Variants in FOXP1 observed in about 807,000 individuals in gnomAD.
FOXP1 encodes forkhead box protein P1.
In FOXP1, 15 loss-of-function variants were observed where a neutral mutation model predicts 98.2. The ratio of observed to expected loss-of-function variants is 0.15; its 90% confidence interval spans 0.10 to 0.24. The LOEUF (loss-of-function observed/expected upper bound fraction) is 0.24, where lower values mean the gene tolerates loss of function less well. Among genes scored for constraint, FOXP1 ranks in the 10% least tolerant of loss-of-function variants. The pLI is 1.00. For synonymous variants in FOXP1, 371 were observed against 314.5 expected (o/e 1.18, Z -1.90); for missense variants, 633 against 848.5 (o/e 0.75, Z 3.15).
intron 7 of FOXP1, among the ~76,000 whole-genome samples, chr3:71,085,660 T>G (rs2107557476): frequency 6.6e-6 from 1 of 151,818 alleles, no homozygotes; most frequent in African/African-American, 2.4e-5. Flanking sequence ...GTATGTCACA[T>G]GCTGTGTGTC....
In FOXP1 at chr3:71,550,709, T is replaced by G. The variant is rs149162523; in HGVS notation, c.-298+30840A>C. Among the ~76,000 whole-genome samples, 976 of 152,350 alleles carry G rather than the reference T, an allele frequency of 6.4e-3. 19 individuals are homozygous for G. The highest frequency in any genetic ancestry group is 8.8e-3 in the Non-Finnish European group (597 of 68,032). On this transcript the variant is annotated intron_variant, in intron 2 of 20. Coordinates refer to ENST00000649528, the MANE Select transcript of FOXP1 (RefSeq NM_001349338.3). ...TCCATTTTTATTAATTCAACTTGGT[T>G]TGTGGTTCAAACCCTTAAGATCAGT...
chr3:71,175,467 C>T (rs2061890641), intron 6 of FOXP1, among the ~76,000 whole-genome samples: 1 of 152,198 alleles, frequency 6.6e-6, no homozygotes, highest in Admixed American at 6.5e-5. Context: ...AATAAGATTG[C>T]TTTTCAGCCT....
intron 17 of FOXP1, among the ~76,000 whole-genome samples, chr3:70,975,095 CTAAGGCTGTTTA>C (rs1415222833): frequency 3.3e-5 from 5 of 152,190 alleles, no homozygotes; most frequent in Admixed American, 6.5e-5. Flanking sequence ...ACTATTTCAT[CTAAGGCTGTTTA>C]TATTAATGAC....
chr3:71,148,197 C>T (rs1010795335), intron 6 of FOXP1, among the ~76,000 whole-genome samples: 1 of 152,082 alleles, frequency 6.6e-6, no homozygotes, highest in Non-Finnish European at 1.5e-5. Context: ...GCCAACATGG[C>T]GAAACCTTGT....
At chr3:71,184,195 G>A (rs759482351) in intron 6 of FOXP1, among the ~76,000 whole-genome samples, 3 of 152,058 alleles carry the variant, frequency 2.0e-5, no homozygotes, top group Admixed American at 1.3e-4. Context: ...TGATGCTCAC[G>A]CACATAAAAG....
At chr3:71,583,227 T>A (rs1278685866) in intron 1 of FOXP1, among the ~76,000 whole-genome samples, 1 of 151,926 alleles carries the variant, frequency 6.6e-6, no homozygotes, top group African/African-American at 2.4e-5. Flanking sequence ...TCTCGCCTCC[T>A]CACAGTCGCC....
intron 6 of FOXP1, among the ~76,000 whole-genome samples, chr3:71,193,133 G>A (rs2063092221): frequency 6.6e-6 from 1 of 151,358 alleles, no homozygotes; most frequent in Non-Finnish European, 1.5e-5. Context: ...GTTTGTTGTT[G>A]TTGTTGTTGT....
At chr3:71,343,554 A>ATT (rs10658352) in intron 4 of FOXP1, among the ~76,000 whole-genome samples, 72,787 of 115,472 alleles carry the variant, frequency 0.63, 25,292 homozygotes, top group East Asian at 0.77. Flanking sequence ...TCTCAATTAG[A>ATT]TTTTTTTTTT....
chr3:71,213,046 C>T (rs1423013445), intron 5 of FOXP1, among the ~76,000 whole-genome samples: 1 of 152,062 alleles, frequency 6.6e-6, no homozygotes, highest in African/African-American at 2.4e-5. Context: ...ACTTTAATCA[C>T]TACCTTTGTG....
At chr3:71,177,288 C>T (rs951977697) in intron 6 of FOXP1, among the ~76,000 whole-genome samples, 1 of 152,078 alleles carries the variant, frequency 6.6e-6, no homozygotes, top group African/African-American at 2.4e-5. Context: ...AAATTAGGTA[C>T]ATCTGCTACA....
At chr3:71,419,227 T>C in intron 3 of FOXP1, among the ~76,000 whole-genome samples, 1 of 80,732 alleles carries the variant, frequency 1.2e-5, no homozygotes, top group Non-Finnish European at 2.1e-5. Flanking sequence ...AGAGGGAGAC[T>C]CCATCTCAAA....
At chr3:71,284,676 TC>T (rs1303521530) in intron 5 of FOXP1, among the ~76,000 whole-genome samples, 1 of 152,126 alleles carries the variant, frequency 6.6e-6, no homozygotes, top group Non-Finnish European at 1.5e-5. Flanking sequence ...TTTTATTGTA[TC>T]CGAAAGGATG....
At chr3:71,258,025 G>A (rs1338143013) in intron 5 of FOXP1, among the ~76,000 whole-genome samples, 1 of 152,144 alleles carries the variant, frequency 6.6e-6, no homozygotes, top group African/African-American at 2.4e-5. Flanking sequence ...TGTTATTACT[G>A]CGCTTAATAA....
intron 5 of FOXP1, among the ~76,000 whole-genome samples, chr3:71,199,807 G>A (rs2063545986): frequency 6.6e-6 from 1 of 151,868 alleles, no homozygotes; most frequent in Non-Finnish European, 1.5e-5. Flanking sequence ...GCCAGGCGCG[G>A]TGGCTCACGC....
chr3:70,994,020 GAAA>G (rs1397148701), intron 13 of FOXP1, among the ~76,000 whole-genome samples: 1 of 149,806 alleles, frequency 6.7e-6, no homozygotes, highest in African/African-American at 2.5e-5. Context: ...AAAAGAAAAA[GAAA>G]AAGAAAAAGA....
intron 6 of FOXP1, among the ~76,000 whole-genome samples, chr3:71,139,949 TA>T (rs770928972): frequency 6.6e-6 from 1 of 152,056 alleles, no homozygotes; most frequent in Non-Finnish European, 1.5e-5. Flanking sequence ...CCTCTGAATT[TA>T]AAAAAAGACA....
intron 6 of FOXP1, among the ~76,000 whole-genome samples, chr3:71,160,012 C>CA (rs1429917392): frequency 1.3e-5 from 2 of 152,170 alleles, no homozygotes; most frequent in Admixed American, 1.3e-4. Context: ...GGATTCTGTT[C>CA]ACTTCCTTCA....
chr3:71,287,382 G>C (rs1232172590), intron 5 of FOXP1, among the ~76,000 whole-genome samples: 4 of 152,064 alleles, frequency 2.6e-5, no homozygotes, highest in African/African-American at 9.7e-5. Flanking sequence ...TGAGGGGAGA[G>C]GATCACCTGA....
At chr3:71,383,614 G>A (rs1209552643) in intron 3 of FOXP1, among the ~76,000 whole-genome samples, 5 of 152,136 alleles carry the variant, frequency 3.3e-5, no homozygotes, top group Non-Finnish European at 7.4e-5. Context: ...CTACATTTAT[G>A]GGAGAGAGAG....
Sources: allele counts gnomAD v4.1 joint callset (sites outside exome capture counted in the v4.1 genomes callset), GRCh38; gene constraint gnomAD v4.1.1; transcripts MANE v1.5; gene names NCBI Gene and HGNC (gene_info 2026-07-23, HGNC 2026-07-21).